GRIA1: variants seen among roughly 807,000 people sequenced by gnomAD.
GRIA1 encodes the protein glutamate ionotropic receptor AMPA type subunit 1.
In GRIA1, 31 loss-of-function variants were observed where a neutral mutation model predicts 99.2. The observed-to-expected ratio is 0.31, with a 90% CI of 0.23 to 0.42. The LOEUF is 0.42. Ranked by LOEUF, GRIA1 falls within the 10% of genes least tolerant of loss-of-function variation. The pLI, the probability that GRIA1 is intolerant of heterozygous loss-of-function variation, is 1.00. For synonymous variants in GRIA1, 438 were observed against 432.4 expected, an observed-to-expected ratio of 1.01 and a Z score of -0.16; for missense variants, 782 against 1,157.5, an observed-to-expected ratio of 0.68 and a Z score of 4.71.
intron 2 of GRIA1, among the ~76,000 whole-genome samples, chr5:153,534,043 T>G (rs949994597): frequency 6.6e-6 from 1 of 152,226 alleles, no homozygotes; most frequent in Admixed American, 6.5e-5. Context: ...GGCACTTGAT[T>G]TGTGGCAAGG....
chr5:153,582,947 G>T (rs116716989), intron 2 of GRIA1, among the ~76,000 whole-genome samples: 2,037 of 152,116 alleles, frequency 0.013, 15 homozygotes, highest in Non-Finnish European at 0.021. Context: ...CAGGGGGTGT[G>T]CCACCATGCC....
At chr5:153,696,862 ATGTGTGTGTGTG>A (rs10694156) in intron 8 of GRIA1, among the ~76,000 whole-genome samples, 1 of 151,126 alleles carries the variant, frequency 6.6e-6, no homozygotes, top group Non-Finnish European at 1.5e-5. Context: ...TAGGGTGTGT[ATGTGTGTGTGTG>A]TGTGTGTGTA....
chr5:153,671,187 T>C (rs1048082017), intron 5 of GRIA1, among the ~76,000 whole-genome samples: 2 of 152,184 alleles, frequency 1.3e-5, no homozygotes, highest in Non-Finnish European at 2.9e-5. Flanking sequence ...GGTGACAAGA[T>C]TGAGTGGCAT....
intron 2 of GRIA1, among the ~76,000 whole-genome samples, chr5:153,512,046 T>G (rs1227730706): frequency 1.3e-5 from 2 of 152,190 alleles, no homozygotes; most frequent in Non-Finnish European, 2.9e-5. Flanking sequence ...ATAAATTATT[T>G]TTAGTGCAAC....
At chr5:153,711,213 G>A (rs1412027259) in intron 11 of GRIA1, among the ~76,000 whole-genome samples, 1 of 152,156 alleles carries the variant, frequency 6.6e-6, no homozygotes, top group African/African-American at 2.4e-5. Context: ...AGCAAGGGAA[G>A]GATTGATTTG....
chr5:153,522,612 T>C (rs1757251145), intron 2 of GRIA1, among the ~76,000 whole-genome samples: 1 of 152,104 alleles, frequency 6.6e-6, no homozygotes, highest in Non-Finnish European at 1.5e-5. Context: ...CATGCTTCCT[T>C]AGGGACCCAA....
intron 5 of GRIA1, among the ~76,000 whole-genome samples, chr5:153,662,299 G>C (rs1029757941): frequency 2.0e-5 from 3 of 152,236 alleles, no homozygotes; most frequent in African/African-American, 7.2e-5. Flanking sequence ...GCTCATGCAA[G>C]AAGGACTAAG....
chr5:153,776,426 T>C (rs1392379192), intron 13 of GRIA1, among the ~76,000 whole-genome samples: 3 of 152,116 alleles, frequency 2.0e-5, no homozygotes, highest in Admixed American at 1.3e-4. Context: ...CCAAACAGAA[T>C]AATTGCTGCC....
chr5:153,696,189 G>T (rs893905874), intron 8 of GRIA1, among the ~76,000 whole-genome samples: 1 of 152,266 alleles, frequency 6.6e-6, no homozygotes, highest in East Asian at 1.9e-4. Context: ...TCCACGTCTC[G>T]CTTTCTGCAT....
At chr5:153,667,606 A>G (rs934938257) in intron 5 of GRIA1, among the ~76,000 whole-genome samples, 2 of 152,206 alleles carry the variant, frequency 1.3e-5, no homozygotes, top group African/African-American at 4.8e-5. Flanking sequence ...TAGTTTTATT[A>G]ATTCTTTTAA....
chr5:153,662,643 T>C (rs1581424833), intron 5 of GRIA1, among the ~76,000 whole-genome samples: 1 of 152,198 alleles, frequency 6.6e-6, no homozygotes, highest in Admixed American at 6.5e-5. Context: ...CCTCATTTTA[T>C]AAAATAGACA....
intron 13 of GRIA1, among the ~76,000 whole-genome samples, chr5:153,777,610 G>T (rs1383368187): frequency 6.6e-6 from 1 of 152,010 alleles, no homozygotes; most frequent in African/African-American, 2.4e-5. Context: ...AGTCACTTTT[G>T]AGCCAAAGAA....
At chr5:153,602,873 T>G (rs2149400068) in intron 2 of GRIA1, among the ~76,000 whole-genome samples, 1 of 152,304 alleles carries the variant, frequency 6.6e-6, no homozygotes, top group Admixed American at 6.5e-5. Flanking sequence ...GTCACAACCC[T>G]TAAGTTCTTT....
chr5:153,674,708 G>A (rs751888765), intron 6 of GRIA1, 47 bp downstream of exon 6: 2 of 1,583,638 alleles, frequency 1.3e-6, no homozygotes, highest in Non-Finnish European at 1.7e-6. Flanking sequence ...TGGTCCCTTT[G>A]CCTGCCCCAG....
At chr5:153,541,928 C>CAAAAAAA (rs57442019) in intron 2 of GRIA1, among the ~76,000 whole-genome samples, 5 of 97,422 alleles carry the variant, frequency 5.1e-5, no homozygotes, top group Admixed American at 1.4e-4. Context: ...GATCCTGTTT[C>CAAAAAAA]AAAAAAAAAA....
intron 2 of GRIA1, among the ~76,000 whole-genome samples, chr5:153,619,010 T>G (rs1766773825): frequency 6.6e-6 from 1 of 152,214 alleles, no homozygotes; most frequent in African/African-American, 2.4e-5. Context: ...CATTTCAAGA[T>G]AATGACCTCA....
chr5:153,687,894 A>G (rs115684768), intron 8 of GRIA1, among the ~76,000 whole-genome samples: 11,548 of 152,290 alleles, frequency 0.076, 466 homozygotes, highest in Middle Eastern at 0.13. Context: ...CAGATTTATC[A>G]TCTCACAATT....
chr5:153,492,263 G>A, intron 1 of GRIA1: 1 of 1,535,458 alleles, frequency 6.5e-7, no homozygotes, highest in Non-Finnish European at 8.7e-7. Flanking sequence ...TGGCCATGGA[G>A]TAACTTGCTT....
chr5:153,805,096 C>A (rs377106794), intron 15 of GRIA1, among the ~76,000 whole-genome samples: 69 of 151,314 alleles, frequency 4.6e-4, no homozygotes, highest in African/African-American at 1.5e-3. Flanking sequence ...GTAGTACATA[C>A]CTCATAACAT....
Sources: gnomAD v4.1 joint callset for allele counts (sites outside exome capture counted in the v4.1 genomes callset) on GRCh38, gnomAD v4.1.1 for gene constraint, MANE v1.5 for transcripts, NCBI Gene and HGNC (gene_info 2026-07-23, HGNC 2026-07-21) for gene names.